BBS9: variants seen among roughly 807,000 people sequenced by gnomAD.
BBS9 encodes the protein Bardet-Biedl syndrome 9, also known as protein PTHB1.
BBS9 carries 89 observed loss-of-function variants against 117.7 expected under a neutral mutation model. The ratio of observed to expected loss-of-function variants is 0.76; its 90% CI spans 0.64 to 0.90. The LOEUF (loss-of-function observed/expected upper bound fraction) is 0.90. Ranked by LOEUF, BBS9 falls within the 40% of genes least tolerant of loss-of-function variation. The pLI, the probability that BBS9 is intolerant of heterozygous loss-of-function variation, is 0.00. For synonymous variants in BBS9, 379 were observed against 370.9 expected (o/e 1.02, Z -0.25); for missense variants, 982 against 1,042.2 (o/e 0.94, Z 0.80).
intron 21 of BBS9, among the ~76,000 whole-genome samples, chr7:33,615,336 G>T (rs1865076340): frequency 6.6e-6 from 1 of 152,030 alleles, no homozygotes; most frequent in African/African-American, 2.4e-5. Flanking sequence ...TATACTAAGG[G>T]TTCTGCACTG....
At chr7:33,344,807 A>G (rs1334161270) in intron 12 of BBS9, among the ~76,000 whole-genome samples, 173 bp downstream of exon 12, 5 of 152,220 alleles carry the variant, frequency 3.3e-5, no homozygotes, top group African/African-American at 9.6e-5. Context: ...GTTACTTGCA[A>G]ATATAAAACT....
chr7:33,378,206 G>A (rs188662609), intron 17 of BBS9, among the ~76,000 whole-genome samples: 185 of 152,172 alleles, frequency 1.2e-3, no homozygotes, highest in African/African-American at 4.2e-3. Context: ...ATTTTCATAG[G>A]TCTGTTTCAT....
chr7:33,315,463 A>G (rs573990329), intron 9 of BBS9, among the ~76,000 whole-genome samples: 1 of 152,312 alleles, frequency 6.6e-6, no homozygotes, highest in South Asian at 2.1e-4. Flanking sequence ...CCACAAAGTC[A>G]GTCCAGATTC....
intron 9 of BBS9, among the ~76,000 whole-genome samples, chr7:33,311,822 A>C (rs1809309307): frequency 1.3e-5 from 2 of 151,982 alleles, no homozygotes; most frequent in African/African-American, 4.8e-5. Context: ...ATCTCAAAAA[A>C]AAAAAAGTGT....
intron 2 of BBS9, among the ~76,000 whole-genome samples, chr7:33,147,891 T>G (rs550502252): frequency 4.3e-4 from 66 of 151,780 alleles, no homozygotes; most frequent in Admixed American, 1.2e-3. Flanking sequence ...AATCATTACA[T>G]ATGTGTGTTC....
intron 9 of BBS9, among the ~76,000 whole-genome samples, chr7:33,278,983 TA>T (rs1801306560): frequency 6.6e-6 from 1 of 152,232 alleles, no homozygotes; most frequent in Non-Finnish European, 1.5e-5. Context: ...CTCAAATCAA[TA>T]TCATAATCTG....
intron 4 of BBS9, among the ~76,000 whole-genome samples, chr7:33,171,875 G>A (rs1355632479): frequency 1.3e-5 from 2 of 152,026 alleles, no homozygotes; most frequent in African/African-American, 4.8e-5. Flanking sequence ...GTGCCAAGTA[G>A]CCTCATGGTA....
chr7:33,358,207 A>G (rs1338761846), intron 16 of BBS9, among the ~76,000 whole-genome samples: 1 of 151,860 alleles, frequency 6.6e-6, no homozygotes, highest in Non-Finnish European at 1.5e-5. Flanking sequence ...GTTTGATTAA[A>G]ATTATCATAA....
At chr7:33,385,757 A>G (rs1031682116) in intron 18 of BBS9, among the ~76,000 whole-genome samples, 4 of 152,086 alleles carry the variant, frequency 2.6e-5, no homozygotes, top group African/African-American at 9.6e-5. Flanking sequence ...AAATATTTTT[A>G]TTACAGGAAA....
At chr7:33,474,477 G>T (rs1397801006) in intron 19 of BBS9, among the ~76,000 whole-genome samples, 1 of 151,974 alleles carries the variant, frequency 6.6e-6, no homozygotes, top group Non-Finnish European at 1.5e-5. Context: ...ATAAATATCA[G>T]GTTCTTTCCA....
intron 19 of BBS9, among the ~76,000 whole-genome samples, chr7:33,455,011 A>G (rs1171699191): frequency 1.3e-5 from 2 of 152,174 alleles, no homozygotes; most frequent in African/African-American, 4.8e-5. Flanking sequence ...CCTACAATTC[A>G]TTTTTCTTTT....
chr7:33,344,971 A>G (rs183290540), intron 12 of BBS9, among the ~76,000 whole-genome samples: 1 of 152,348 alleles, frequency 6.6e-6, no homozygotes, highest in Non-Finnish European at 1.5e-5. Context: ...ATCACCATTC[A>G]TAATAGAACA....
intron 10 of BBS9, among the ~76,000 whole-genome samples, chr7:33,340,649 C>T (rs1816318281): frequency 6.6e-6 from 1 of 152,066 alleles, no homozygotes; most frequent in Non-Finnish European, 1.5e-5. Context: ...CATTGAGATT[C>T]CTAATGCTGG....
intron 19 of BBS9, among the ~76,000 whole-genome samples, chr7:33,417,462 T>C (rs954336098): frequency 1.3e-5 from 2 of 152,246 alleles, no homozygotes; most frequent in Non-Finnish European, 2.9e-5. Context: ...AACCTTCTAC[T>C]GGGTATAAAA....
At chr7:33,483,990 T>A (rs1842799070) in intron 19 of BBS9, among the ~76,000 whole-genome samples, 1 of 152,202 alleles carries the variant, frequency 6.6e-6, no homozygotes, top group Non-Finnish European at 1.5e-5. Context: ...ATTTTCTTTT[T>A]GAGACACAGT....
intron 21 of BBS9, among the ~76,000 whole-genome samples, chr7:33,628,679 A>C (rs1046958838): frequency 8.5e-5 from 13 of 152,242 alleles, no homozygotes; most frequent in African/African-American, 3.1e-4. Context: ...TAGAGATGCT[A>C]TCCAGTGCAA....
At chr7:33,246,509 A>AT (rs560484125) in intron 5 of BBS9, among the ~76,000 whole-genome samples, 54 of 151,882 alleles carry the variant, frequency 3.6e-4, no homozygotes, top group South Asian at 2.5e-3. Context: ...AAAGTATTTA[A>AT]TTTTTTTTGT....
At chr7:33,574,939 G>C (rs1325729649) in intron 21 of BBS9, among the ~76,000 whole-genome samples, 1 of 151,946 alleles carries the variant, frequency 6.6e-6, no homozygotes, top group East Asian at 1.9e-4. Flanking sequence ...ATTTCTTGAA[G>C]TTATAACTTG....
chr7:33,471,331 G>A (rs1584944707), intron 19 of BBS9, among the ~76,000 whole-genome samples: 4 of 152,316 alleles, frequency 2.6e-5, no homozygotes, highest in Admixed American at 2.6e-4. Flanking sequence ...AAAATGAGAT[G>A]TTGGAATTGA....
Sources: allele counts gnomAD v4.1 joint callset (sites outside exome capture counted in the v4.1 genomes callset), GRCh38; gene constraint gnomAD v4.1.1; transcripts MANE v1.5; gene names NCBI Gene and HGNC (gene_info 2026-07-23, HGNC 2026-07-21).